TLE4: variants seen among roughly 807,000 people sequenced by gnomAD.
TLE4 encodes the protein TLE family member 4, transcriptional corepressor.
In TLE4, 8 loss-of-function variants were observed where a neutral mutation model predicts 92.8. The observed-to-expected ratio is 0.09, with a 90% CI of 0.05 to 0.16. TLE4 has a LOEUF of 0.16. Among genes scored for constraint, TLE4 ranks in the 10% least tolerant of loss-of-function variants. TLE4 has a pLI of 1.00. For missense variants in TLE4, 675 were observed against 997.6 expected, an observed-to-expected ratio of 0.68 and a Z score of 4.36; for synonymous variants, 371 against 374.1, an observed-to-expected ratio of 0.99 and a Z score of 0.10.
chr9:79,632,096 C>T lies in TLE4; in HGVS notation c.390+4648C>T, dbSNP rs187920360. On this transcript the variant is annotated intron_variant, in intron 6 of 19. Coordinates refer to ENST00000376552, the MANE Select transcript of TLE4 (RefSeq NM_007005.6). Reference sequence around the variant, plus strand: ...CAGCCTGACAGCACCTCCAGTCAGCCATAGCGCGAAGTGCTTGCTTTCCCC... The same window carrying T: ...CAGCCTGACAGCACCTCCAGTCAGCTATAGCGCGAAGTGCTTGCTTTCCCC... Among the ~76,000 whole-genome samples, 29 of 152,328 alleles carry T rather than the reference C, an allele frequency of 1.9e-4. No homozygotes were observed. In the East Asian group the frequency reaches 5.4e-3, roughly 28 times the overall value.
intron 19 of TLE4, among the ~76,000 whole-genome samples, chr9:79,724,044 A>G (rs1478885407): frequency 6.6e-6 from 1 of 152,226 alleles, no homozygotes; most frequent in East Asian, 1.9e-4. Flanking sequence ...TTCATACTAC[A>G]GTTGAATATG....
In TLE4 at chr9:79,723,654, C is replaced by G. The variant is rs368784973; in HGVS notation, c.2214+619C>G. 1.4e-4 allele frequency among the ~76,000 whole-genome samples: 22 copies of G among 152,196 alleles called. No individual in the cohort carries two copies. The East Asian group carries it at 1.9e-3, about 13-fold the overall frequency. On this transcript the variant is annotated intron_variant, in intron 19 of 19. Transcript: ENST00000376552. ...AGGTGAAAGACTTGCCTTTATTAAC[C>G]TTCTATATTTAGGATGTTATTTCCT...
chr9:79,670,532 A>C (rs752893340), intron 8 of TLE4, among the ~76,000 whole-genome samples: 10 of 152,078 alleles, frequency 6.6e-5, no homozygotes, highest in Non-Finnish European at 1.3e-4. Context: ...GCAGGTATTC[A>C]TGTTTGCTGT....
chr9:79,660,884 T>A (rs986162809), intron 8 of TLE4, among the ~76,000 whole-genome samples: 2 of 152,200 alleles, frequency 1.3e-5, no homozygotes, highest in Admixed American at 1.3e-4. Context: ...CCTCCGCCGA[T>A]CGCTGAAGCA....
chr9:79,718,601 C>A, intron 14 of TLE4, 121 bp from the exon 15 acceptor site: 1 of 1,372,158 alleles, frequency 7.3e-7, no homozygotes, highest in South Asian at 1.5e-5. Flanking sequence ...TGGACAAATT[C>A]GATTTGTTCG....
chr9:79,667,957 A>G (rs2061667613), intron 8 of TLE4, among the ~76,000 whole-genome samples: 1 of 152,238 alleles, frequency 6.6e-6, no homozygotes, highest in Non-Finnish European at 1.5e-5. Context: ...CCACAGAAAT[A>G]TTTGAAGAGC....
chr9:79,717,139 C>A (rs2074657489), intron 14 of TLE4, among the ~76,000 whole-genome samples: 1 of 152,178 alleles, frequency 6.6e-6, no homozygotes, highest in Non-Finnish European at 1.5e-5. Context: ...CTTCAGCCAT[C>A]ACTTCTTTAT....
intron 8 of TLE4, among the ~76,000 whole-genome samples, chr9:79,669,094 C>G (rs1012805800): frequency 6.6e-6 from 1 of 152,090 alleles, no homozygotes; most frequent in Non-Finnish European, 1.5e-5. Context: ...TAAAGTCTCC[C>G]TGGCTTAGGA....
intron 6 of TLE4, chr9:79,649,733 T>C (rs2058642957): frequency 5.1e-6 from 6 of 1,168,442 alleles, no homozygotes; most frequent in Non-Finnish European, 6.9e-6. Flanking sequence ...AGCCTTACTG[T>C]GAATGTCATG....
chr9:79,715,704 C>T (rs1185674406), intron 14 of TLE4, among the ~76,000 whole-genome samples: 1 of 152,126 alleles, frequency 6.6e-6, no homozygotes, highest in Non-Finnish European at 1.5e-5. Flanking sequence ...TCTTCCACTA[C>T]CCAGAGGCTG....
In TLE4 at chr9:79,708,158, C is replaced by G; in HGVS notation, c.977C>G (p.Pro326Arg). 1 of 1,614,126 alleles carries G rather than the reference C, an allele frequency of 6.2e-7. No individual in the cohort carries two copies. Among genetic ancestry groups the G allele is most frequent in the Non-Finnish European group, 8.5e-7 (1 of 1,179,980 alleles). The change falls in exon 12 of 20, where the codon CCT becomes CGT. Residue 326 changes from proline to arginine, a missense_variant. Pro to Arg is a moderately radical substitution (Grantham distance 103, BLOSUM62 -2). Around this residue, in one of 5 missense-constraint regions of TLE4, gnomAD observed 280 missense variants for 287.3 expected, o/e 0.97. Coordinates refer to ENST00000376552, the MANE Select transcript of TLE4 (RefSeq NM_007005.6). ...STTPVSKSNT[P>R]TPRTDAPTPG... ...ACTCCCGTCTCAAAGTCCAATACCC[C>G]TACTCCACGAACTGATGCGCCCACC...
Position 79,708,277 on chromosome 9 carries a change from A to G in TLE4, c.1069+27A>G, listed in dbSNP as rs1018704487. On this transcript the variant is annotated intron_variant, in intron 12 of 19. Coordinates refer to ENST00000376552, the MANE Select transcript of TLE4 (RefSeq NM_007005.6). ...TTAGTAAGAAAAAAGTTTTTTCTAT[A>G]TTTTTATGCTCGTTTTTAAGAATTT... 5 of 1,609,696 alleles carry G rather than the reference A, an allele frequency of 3.1e-6. No homozygotes were observed. In the African/African-American group the frequency reaches 5.4e-5, roughly 17 times the overall value.
chr9:79,720,382 GTGT>G (rs1565205268), intron 16 of TLE4, 89 bp downstream of exon 16: 59 of 80,234 alleles, frequency 7.4e-4, no homozygotes, highest in East Asian at 5.0e-3. Context: ...GTATGGGTGT[GTGT>G]GTGTGTGTGT....
At chr9:79,670,519 C>G (rs2062130386) in intron 8 of TLE4, among the ~76,000 whole-genome samples, 1 of 152,180 alleles carries the variant, frequency 6.6e-6, no homozygotes, top group East Asian at 1.9e-4. Flanking sequence ...TCCCACTGCT[C>G]AAGCAGGTAT....
chr9:79,609,935 G>A (rs1037977471), intron 4 of TLE4, among the ~76,000 whole-genome samples: 4 of 152,056 alleles, frequency 2.6e-5, no homozygotes, highest in Non-Finnish European at 5.9e-5. Flanking sequence ...GGAATATATT[G>A]TCTAAGCAAG....
intron 4 of TLE4, among the ~76,000 whole-genome samples, chr9:79,579,377 C>T (rs1478020934): frequency 6.6e-6 from 1 of 152,168 alleles, no homozygotes; most frequent in African/African-American, 2.4e-5. Flanking sequence ...ACTCTGACAG[C>T]AGTGGTTACC....
intron 8 of TLE4, among the ~76,000 whole-genome samples, chr9:79,679,146 A>G (rs1182267961): frequency 6.6e-6 from 1 of 152,040 alleles, no homozygotes; most frequent in Non-Finnish European, 1.5e-5. Context: ...CAGTAATGGG[A>G]TGGCTGGGTC....
rs767954716 is a variant in TLE4 at position 79,720,123 on chromosome 9, T to G, written c.1668T>G (p.Thr556=). The change falls in exon 16 of 20, where the codon ACT becomes ACG. Residue 556 remains threonine (T), a synonymous_variant. Transcript: ENST00000376552. ...TAATTGTTGGAGGGGAAGCCAGTAC[T>G]TTGTCCATTTGGGACCTGGCGGCTC... ...RTLIVGGEAS[T]LSIWDLAAPT... is the part of the protein sequence containing the mutation. 2 of 1,614,178 alleles carry G rather than the reference T, an allele frequency of 1.2e-6. No individual in the cohort carries two copies. Among genetic ancestry groups the G allele is most frequent in the South Asian group, 2.2e-5 (2 of 91,078 alleles).
At chr9:79,659,937 G>A (rs117345881) in intron 8 of TLE4, among the ~76,000 whole-genome samples, 39 of 152,078 alleles carry the variant, frequency 2.6e-4, no homozygotes, top group Non-Finnish European at 2.4e-4. Flanking sequence ...ACCTTTTTAC[G>A]GTCAGCATAC....
Sources: gnomAD v4.1 joint callset for allele counts (sites outside exome capture counted in the v4.1 genomes callset) on GRCh38, gnomAD v4.1.1 for gene constraint, gnomAD v4.1.1 regional missense constraint, MANE v1.5 for transcripts, NCBI Gene and HGNC (gene_info 2026-07-23, HGNC 2026-07-21) for gene names.